Variants in CHL1 observed in about 807,000 individuals in gnomAD.
CHL1 encodes cell adhesion molecule L1 like, also known as neural cell adhesion molecule L1-like protein.
In CHL1, 96 loss-of-function variants were observed where a neutral mutation model predicts 141.9. That is an observed-to-expected ratio of 0.68 (90% CI 0.57 to 0.80). The LOEUF (loss-of-function observed/expected upper bound fraction) is 0.80. Ranked by LOEUF, CHL1 falls within the 30% of genes least tolerant of loss-of-function variation. CHL1 has a pLI of 0.00. For synonymous variants in CHL1, 613 were observed against 502.2 expected (o/e 1.22, Z -2.95); for missense variants, 1,820 against 1,457.2 (o/e 1.25, Z -4.05).
chr3:279,639 G>C (rs781442811), intron 2 of CHL1, among the ~76,000 whole-genome samples: 2 of 152,106 alleles, frequency 1.3e-5, no homozygotes, highest in Non-Finnish European at 2.9e-5. Flanking sequence ...ATTAGTCCTT[G>C]TTCTATGGTT....
intron 1 of CHL1, among the ~76,000 whole-genome samples, chr3:240,985 T>C (rs545909710): frequency 1.8e-4 from 27 of 152,330 alleles, no homozygotes; most frequent in Admixed American, 8.5e-4. Flanking sequence ...TACCATGCTG[T>C]TTTGGTGATT....
chr3:305,609 T>C (rs1383026696), intron 2 of CHL1, among the ~76,000 whole-genome samples: 2 of 151,724 alleles, frequency 1.3e-5, no homozygotes, highest in Non-Finnish European at 2.9e-5. Context: ...TAACACCCTA[T>C]AACTTGCTTT....
chr3:316,072 T>G, intron 2 of CHL1, among the ~76,000 whole-genome samples: 1 of 151,990 alleles, frequency 6.6e-6, no homozygotes. Flanking sequence ...GCCACCCTAC[T>G]CTTATTACCC....
intron 2 of CHL1, among the ~76,000 whole-genome samples, chr3:278,047 G>T (rs919541848): frequency 2.6e-5 from 4 of 152,196 alleles, no homozygotes; most frequent in Non-Finnish European, 2.9e-5. Context: ...AGGAAGTGTG[G>T]TTGCCCAGTA....
intron 2 of CHL1, among the ~76,000 whole-genome samples, chr3:255,179 TCAAA>T (rs1345596223): frequency 6.6e-6 from 1 of 152,202 alleles, no homozygotes; most frequent in Non-Finnish European, 1.5e-5. Flanking sequence ...AATTACAGTC[TCAAA>T]CAGTGGTTGC....
intron 23 of CHL1, among the ~76,000 whole-genome samples, chr3:392,787 G>C (rs751729513): frequency 1.3e-5 from 2 of 152,192 alleles, no homozygotes; most frequent in African/African-American, 2.4e-5. Flanking sequence ...AAATTAGCAC[G>C]TATGTTTAAA....
chr3:359,017 A>G lies in CHL1; in HGVS notation c.1166-1267A>G, dbSNP rs1021951581. Among the ~76,000 whole-genome samples the G allele has an allele frequency of 2.8e-4, 42 of 147,740 alleles. 1 individual carries two copies. The highest frequency in any genetic ancestry group is 7.2e-3 in the Middle Eastern group (2 of 278). ...ATACGGATATTATATATAATATAAT[A>G]ATATATATTTATATCTATATATATA... On this transcript the variant is annotated intron_variant, in intron 11 of 27. Coordinates refer to ENST00000256509, the MANE Select transcript of CHL1 (RefSeq NM_006614.4).
intron 5 of CHL1, among the ~76,000 whole-genome samples, chr3:339,794 G>A (rs918023172): frequency 6.6e-6 from 1 of 152,144 alleles, no homozygotes; most frequent in Non-Finnish European, 1.5e-5. Context: ...CAGTAAATGA[G>A]TAAACCTTTA....
At chr3:346,126 A>C (rs1274682155) in intron 9 of CHL1, among the ~76,000 whole-genome samples, 1 of 152,218 alleles carries the variant, frequency 6.6e-6, no homozygotes, top group African/African-American at 2.4e-5. Flanking sequence ...TTTAGAGTAC[A>C]TTCTGAACGA....
intron 2 of CHL1, among the ~76,000 whole-genome samples, chr3:267,681 G>A (rs1216564454): frequency 1.3e-5 from 2 of 152,046 alleles, no homozygotes; most frequent in Admixed American, 6.6e-5. Context: ...TATTTCAAAC[G>A]TGAGGCTAGG....
At chr3:331,261 C>G (rs988312158) in intron 5 of CHL1, among the ~76,000 whole-genome samples, 2 of 151,990 alleles carry the variant, frequency 1.3e-5, no homozygotes, top group Non-Finnish European at 2.9e-5. Flanking sequence ...CTCACTCTCT[C>G]CAGGTCAGGC....
chr3:226,373 T>TG (rs1559298663), intron 1 of CHL1, among the ~76,000 whole-genome samples: 1 of 56,916 alleles, frequency 1.8e-5, no homozygotes, highest in Non-Finnish European at 4.5e-5. Flanking sequence ...AATAGAATAT[T>TG]TTATATATAT....
rs559235175 is a variant in CHL1 at position 222,032 on chromosome 3, GA to G, written c.-174-22579del. Among the ~76,000 whole-genome samples, 5 of 152,252 alleles carry G rather than the reference GA, an allele frequency of 3.3e-5. No individual in the cohort carries two copies. The South Asian group carries it at 1.0e-3, about 32-fold the overall frequency. ...AATAAAGGCAGCATATATTTTGTAT[GA>G]ACTAAAAAGAAGTACAAAATATTGG... On this transcript the variant is annotated intron_variant, in intron 1 of 27. Transcript: ENST00000256509.
intron 10 of CHL1, among the ~76,000 whole-genome samples, chr3:351,987 T>C (rs1703307314): frequency 6.6e-6 from 1 of 152,158 alleles, no homozygotes; most frequent in South Asian, 2.1e-4. Flanking sequence ...CACATTTCAA[T>C]AGACTATTTA....
chr3:202,272 T>C (rs1370847961), intron 1 of CHL1, among the ~76,000 whole-genome samples: 1 of 152,206 alleles, frequency 6.6e-6, no homozygotes, highest in Non-Finnish European at 1.5e-5. Context: ...TCCTTCTATA[T>C]CATGTTCAGT....
At chr3:244,783 G>T (rs990467340) in intron 2 of CHL1, 91 bp downstream of exon 2, 1 of 152,114 alleles carries the variant, frequency 6.6e-6, no homozygotes, top group Non-Finnish European at 1.5e-5. Context: ...AAAAGATAAG[G>T]ATAAGGAGAC....
chr3:330,886 A>G (rs73009546), intron 5 of CHL1, among the ~76,000 whole-genome samples: 51,596 of 152,090 alleles, frequency 0.34, 10,738 homozygotes, highest in Admixed American at 0.46. Flanking sequence ...TCAGAATAGC[A>G]TAGTAAACCC....
At chr3:283,128 A>C (rs1007182057) in intron 2 of CHL1, among the ~76,000 whole-genome samples, 1 of 152,214 alleles carries the variant, frequency 6.6e-6, no homozygotes, top group African/African-American at 2.4e-5. Context: ...TGGGAAAGAA[A>C]CACAAACCTT....
chr3:402,788 C>A (rs1423310500), intron 27 of CHL1, among the ~76,000 whole-genome samples: 1 of 150,198 alleles, frequency 6.7e-6, no homozygotes, highest in East Asian at 1.9e-4. Flanking sequence ...GAATAAAGAA[C>A]AATAAAGAGA....
Sources: gnomAD v4.1 joint callset for allele counts (sites outside exome capture counted in the v4.1 genomes callset) on GRCh38, gnomAD v4.1.1 for gene constraint, MANE v1.5 for transcripts, NCBI Gene and HGNC (gene_info 2026-07-23, HGNC 2026-07-21) for gene names.